FRY: variants seen among roughly 807,000 people sequenced by gnomAD.
FRY encodes the protein FRY microtubule binding protein.
FRY carries 128 observed loss-of-function variants against 348.4 expected under a neutral mutation model. The observed-to-expected ratio is 0.37, with a 90% CI of 0.32 to 0.43. FRY has a LOEUF of 0.43. Ranked by LOEUF, FRY falls within the 20% of genes least tolerant of loss-of-function variation. The pLI, the probability that FRY is intolerant of heterozygous loss-of-function variation, is 1.00. For missense variants in FRY, 2,736 were observed against 3,695.2 expected, an observed-to-expected ratio of 0.74 and a Z score of 6.73; for synonymous variants, 1,370 against 1,374.7, an observed-to-expected ratio of 1.00 and a Z score of 0.08.
chr13:32,211,590 A>G (rs897627706), intron 34 of FRY, among the ~76,000 whole-genome samples: 16 of 152,236 alleles, frequency 1.1e-4, no homozygotes, highest in Admixed American at 2.0e-4. Flanking sequence ...CCCAGCCAGG[A>G]CATTGCAGTC....
rs774250317 is a variant in FRY, at chr13:32,131,854, C to T, written c.885+14C>T. 1.2e-6 allele frequency: 2 copies of T among 1,605,452 alleles called. No homozygotes were observed. The highest frequency in any genetic ancestry group is 2.2e-5 in the East Asian group (1 of 44,834). On this transcript the variant is annotated intron_variant, in intron 8 of 60. Coordinates refer to ENST00000542859, the MANE Select transcript of FRY (RefSeq NM_023037.3). The stretch of plus-strand genomic sequence containing the variant: ...CAGTTTATGCAGGTAATGTCTTAGG[C>T]AGGAGAGCTAAGGTGCTCTCAACTT...
At chr13:32,230,848 A>G (rs1428838910) in intron 40 of FRY, among the ~76,000 whole-genome samples, 1 of 152,196 alleles carries the variant, frequency 6.6e-6, no homozygotes, top group Admixed American at 6.5e-5. Flanking sequence ...AATAATCACC[A>G]TTCTGACTGG....
intron 18 of FRY, among the ~76,000 whole-genome samples, chr13:32,172,913 C>T (rs968588280): frequency 2.0e-5 from 3 of 152,176 alleles, no homozygotes; most frequent in Non-Finnish European, 4.4e-5. Flanking sequence ...CATCACAGAG[C>T]TGTGCAAAAC....
chr13:32,094,608 T>C (rs767303268), intron 2 of FRY, among the ~76,000 whole-genome samples: 24 of 152,174 alleles, frequency 1.6e-4, no homozygotes, highest in Non-Finnish European at 3.1e-4. Flanking sequence ...AGTGAGAACA[T>C]GCAATGTTTA....
chr13:32,238,060 A>G, intron 44 of FRY, 74 bp downstream of exon 44: 1 of 1,504,624 alleles, frequency 6.6e-7, no homozygotes, highest in Admixed American at 1.7e-5. Flanking sequence ...ATAAGATAAT[A>G]TGAACTTACT....
intron 51 of FRY, among the ~76,000 whole-genome samples, chr13:32,255,107 TAGA>T (rs1486142000): frequency 1.3e-5 from 2 of 152,168 alleles, no homozygotes; most frequent in Non-Finnish European, 2.9e-5. Flanking sequence ...TTCAGTAGCT[TAGA>T]GGCATGTTCC....
At chr13:32,267,444 G>A in intron 55 of FRY, 85 bp downstream of exon 55, 1 of 1,171,970 alleles carries the variant, frequency 8.5e-7, no homozygotes. Context: ...TTGTTCTTCT[G>A]TTCTGGGGTT....
chr13:32,274,548 C>A (rs990926152), intron 55 of FRY, among the ~76,000 whole-genome samples: 1 of 151,036 alleles, frequency 6.6e-6, no homozygotes, highest in East Asian at 2.0e-4. Flanking sequence ...ACTAAAAATA[C>A]AAAAAATTAG....
chr13:32,138,500 G>A (rs1405418956), intron 11 of FRY, among the ~76,000 whole-genome samples: 2 of 152,124 alleles, frequency 1.3e-5, no homozygotes, highest in Non-Finnish European at 2.9e-5. Flanking sequence ...TTCAAAGTTA[G>A]AATATTGCTT....
intron 36 of FRY, among the ~76,000 whole-genome samples, chr13:32,222,588 A>C (rs1860193781): frequency 2.6e-5 from 4 of 152,250 alleles, no homozygotes; most frequent in African/African-American, 9.6e-5. Flanking sequence ...AGGCCATTGC[A>C]GTGGCCCATG....
intron 1 of FRY, among the ~76,000 whole-genome samples, chr13:32,048,979 C>G (rs1873176036): frequency 6.6e-6 from 1 of 152,138 alleles, no homozygotes; most frequent in Non-Finnish European, 1.5e-5. Context: ...AGTGATTCAG[C>G]AGGCCCAGCT....
In FRY at chr13:32,244,067, T is replaced by C; in HGVS notation, c.6713T>C (p.Val2238Ala). ...CTGCTGGAGAAGGGCCTCCCTAGTG[T>C]GCAGCAGCCCCTGCTCCAGGTGATC... ...AELLEKGLPSVQQPLLQVIYS... is the reference protein window; with the variant it reads ...AELLEKGLPSAQQPLLQVIYS... The change falls in exon 47 of 61, where the codon GTG (valine) becomes GCG (alanine). Residue 2238 changes from valine (V) to alanine (A), a missense_variant. By Grantham distance (64) the Val-to-Ala change is moderately conservative. Transcript: ENST00000542859. 1 of 1,614,148 alleles carries C rather than the reference T, an allele frequency of 6.2e-7. No individual in the cohort carries two copies. The highest frequency in any genetic ancestry group is 1.1e-5 in the South Asian group (1 of 91,088).
At chr13:32,130,534 A>G (rs907484908) in intron 7 of FRY, among the ~76,000 whole-genome samples, 2 of 149,042 alleles carry the variant, frequency 1.3e-5, no homozygotes, top group Non-Finnish European at 1.5e-5. Flanking sequence ...ACTTAGTGGT[A>G]TGGACAATTT....
chr13:32,116,478 G>GT (rs1878308584), intron 3 of FRY, among the ~76,000 whole-genome samples: 3 of 152,104 alleles, frequency 2.0e-5, no homozygotes, highest in Non-Finnish European at 2.9e-5. Context: ...GTTTTGAAGA[G>GT]TTTCATTATA....
intron 1 of FRY, among the ~76,000 whole-genome samples, chr13:32,048,897 A>T (rs1302735838): frequency 6.6e-6 from 1 of 152,202 alleles, no homozygotes; most frequent in African/African-American, 2.4e-5. Flanking sequence ...GTCAATAAAC[A>T]GTCCTCCCTT....
At chr13:32,186,705 A>G (rs547693490) in intron 27 of FRY, among the ~76,000 whole-genome samples, 1 of 152,276 alleles carries the variant, frequency 6.6e-6, no homozygotes, top group East Asian at 1.9e-4. Context: ...AAAAAAATAG[A>G]CATCACCTCA....
At chr13:32,109,169 G>A (rs926249267) in intron 3 of FRY, among the ~76,000 whole-genome samples, 1 of 152,136 alleles carries the variant, frequency 6.6e-6, no homozygotes, top group African/African-American at 2.4e-5. Context: ...ATAAACATTG[G>A]TTGAGAAAAG....
intron 3 of FRY, among the ~76,000 whole-genome samples, chr13:32,114,560 G>T (rs931633717): frequency 6.6e-6 from 1 of 152,022 alleles, no homozygotes; most frequent in African/African-American, 2.4e-5. Context: ...CCACATGAAC[G>T]TTTAGTCATC....
chr13:32,282,359 A>G (rs1888853160), intron 58 of FRY, among the ~76,000 whole-genome samples: 1 of 152,228 alleles, frequency 6.6e-6, no homozygotes, highest in South Asian at 2.1e-4. Context: ...TGCAGAATCT[A>G]TGTCAGGATA....
Sources: allele counts gnomAD v4.1 joint callset (sites outside exome capture counted in the v4.1 genomes callset), GRCh38; gene constraint gnomAD v4.1.1; transcripts MANE v1.5; gene names NCBI Gene and HGNC (gene_info 2026-07-23, HGNC 2026-07-21).